ATRX: variants seen among roughly 807,000 people sequenced by gnomAD.
The protein encoded by ATRX is ATRX chromatin remodeler.
A neutral mutation model predicts 172.6 loss-of-function variants in ATRX; 12 were observed. The ratio of observed to expected loss-of-function variants is 0.07; its 90% confidence interval spans 0.04 to 0.11. ATRX has a LOEUF of 0.11. Among genes scored for constraint, ATRX ranks in the 10% least tolerant of loss-of-function variants. The pLI, the probability that ATRX is intolerant of heterozygous loss-of-function variation, is 1.00. For missense variants in ATRX, 1,368 were observed against 1,767.4 expected, an observed-to-expected ratio of 0.77 and a Z score of 4.05; for synonymous variants, 674 against 594.7, an observed-to-expected ratio of 1.13 and a Z score of -1.94.
intron 1 of ATRX, among the ~76,000 whole-genome samples, chrX:77,739,734 G>A (rs782715259): frequency 1.8e-5 from 2 of 109,964 alleles, no homozygotes; most frequent in East Asian, 2.8e-4. Context: ...GACAGTTTAC[G>A]TGAGGTTATT....
chrX:77,708,018 G>A (rs1557158073), intron 2 of ATRX, among the ~76,000 whole-genome samples: 1 of 111,920 alleles, frequency 8.9e-6, no homozygotes, highest in African/African-American at 3.2e-5. Flanking sequence ...AAAACAGTTT[G>A]ACATTTCCTC....
At chrX:77,522,061 G>A (rs781869930) in intron 32 of ATRX, 2 of 443,593 alleles carry the variant, frequency 4.5e-6, no homozygotes, top group Non-Finnish European at 7.7e-6. Flanking sequence ...TTCACCGACT[G>A]ATTCCTTTGT....
intron 9 of ATRX, among the ~76,000 whole-genome samples, chrX:77,680,457 G>C (rs1466734866): frequency 8.9e-6 from 1 of 111,853 alleles, no homozygotes; most frequent in African/African-American, 3.2e-5. Flanking sequence ...CAACACTTTG[G>C]AAGGCCGAGG....
intron 15 of ATRX, 59 bp downstream of exon 15, chrX:77,652,055 G>C: frequency 8.6e-7 from 1 of 1,167,456 alleles, no homozygotes; most frequent in South Asian, 1.8e-5. Context: ...GGCCAGCCTG[G>C]GCAACAGAGC....
chrX:77,597,562 T>C (rs913191042), intron 25 of ATRX, among the ~76,000 whole-genome samples: 2 of 109,198 alleles, frequency 1.8e-5, no homozygotes, highest in African/African-American at 6.6e-5. Context: ...TATCCAACAA[T>C]GAATATCCAG....
At chrX:77,754,269 C>G (rs1216538278) in intron 1 of ATRX, among the ~76,000 whole-genome samples, 5 of 110,822 alleles carry the variant, frequency 4.5e-5, no homozygotes, top group Admixed American at 3.8e-4. Flanking sequence ...TACAGCACAC[C>G]AATGGGTCTT....
chrX:77,636,809 G>C (rs2068377450), intron 15 of ATRX, among the ~76,000 whole-genome samples: 1 of 106,334 alleles, frequency 9.4e-6, no homozygotes. Flanking sequence ...GAAGGAAGAA[G>C]GAGGAGGAGG....
At chrX:77,616,303 C>A in intron 22 of ATRX, 1 of 898,344 alleles carries the variant, frequency 1.1e-6, no homozygotes, top group Non-Finnish European at 1.4e-6. Flanking sequence ...TAAAAAAATA[C>A]TCTGGAATTT....
At chrX:77,771,247 G>A (rs1393087975) in intron 1 of ATRX, among the ~76,000 whole-genome samples, 6 of 109,113 alleles carry the variant, frequency 5.5e-5, no homozygotes, top group Non-Finnish European at 1.1e-4. Context: ...GTGGTGGCAC[G>A]CACCTGTAAT....
At chrX:77,603,407 C>G (rs1163159326) in intron 22 of ATRX, among the ~76,000 whole-genome samples, 1 of 109,581 alleles carries the variant, frequency 9.1e-6, no homozygotes, top group Admixed American at 9.8e-5. Flanking sequence ...CTCTTGTTGC[C>G]TAGGCTGGAG....
rs187764371 is a variant in ATRX, at chrX:77,543,744, C to T, written c.6699+13707G>A. 1.2e-3 allele frequency among the ~76,000 whole-genome samples: 129 copies of T among 108,200 alleles called. 1 individual carries two copies. Among genetic ancestry groups the T allele is most frequent in the South Asian group, 2.9e-3 (7 of 2,451 alleles). The allele number at this position is 108,200 out of a possible 115,157, so 94.0% of individuals were successfully genotyped here. On this transcript the variant is annotated intron_variant, in intron 30 of 34. Coordinates refer to ENST00000373344, the MANE Select transcript of ATRX (RefSeq NM_000489.6). ...AACACCACATGTTCTCGCTCATAAG[C>T]GGGAGGTGAACAATGAGAACACATG...
chrX:77,552,043 A>C (rs1170116406), intron 30 of ATRX, among the ~76,000 whole-genome samples: 1 of 111,777 alleles, frequency 8.9e-6, no homozygotes, highest in African/African-American at 3.3e-5. Context: ...TAGTTCAACC[A>C]TTGTGGAAGA....
At position 77,682,355 on chromosome X, in the gene ATRX, T is replaced by C. The variant is rs782680197; in HGVS notation, c.2901A>G (p.Lys967=). Residue 967 remains lysine (K), a synonymous_variant, in exon 9 of 35, where the codon AAA becomes AAG. Transcript: ENST00000373344. ...CATCGCTCTGGTCTTTCTTTAGGAA[T>C]TTCTCTGCAATATCAGATAAGCCAT... ...VQDGLSDIAE[K]FLKKDQSDET... The C allele has an allele frequency of 6.6e-6, 8 of 1,209,041 alleles. No individual in the cohort carries two copies. The East Asian group carries it at 2.4e-4, about 36-fold the overall frequency.
At chrX:77,777,090 A>G (rs1430396393) in intron 1 of ATRX, among the ~76,000 whole-genome samples, 2 of 106,450 alleles carry the variant, frequency 1.9e-5, no homozygotes, top group African/African-American at 6.9e-5. Context: ...TACATGGCTC[A>G]CATCTATAAT....
At chrX:77,780,058 A>G (rs1557204810) in intron 1 of ATRX, among the ~76,000 whole-genome samples, 1 of 112,091 alleles carries the variant, frequency 8.9e-6, no homozygotes, top group Non-Finnish European at 1.9e-5. Context: ...ATCTTTCAAA[A>G]TAGAACATAT....
intron 1 of ATRX, among the ~76,000 whole-genome samples, chrX:77,717,554 A>G (rs2073502222): frequency 9.4e-6 from 1 of 106,578 alleles, no homozygotes; most frequent in East Asian, 2.9e-4. Flanking sequence ...CAGTGAGCCA[A>G]GATCATGCCA....
chrX:77,675,061 A>C (rs782154293), intron 10 of ATRX: 26 of 112,228 alleles, frequency 2.3e-4, no homozygotes, highest in Non-Finnish European at 4.7e-4. Context: ...AAACAGAGAA[A>C]CCTAACAGCA....
At chrX:77,559,888 CA>C (rs1184340759) in intron 28 of ATRX, among the ~76,000 whole-genome samples, 1 of 111,941 alleles carries the variant, frequency 8.9e-6, no homozygotes, top group Non-Finnish European at 1.9e-5. Context: ...AAAGGAAAAA[CA>C]ATCACAGTAT....
intron 1 of ATRX, among the ~76,000 whole-genome samples, chrX:77,747,685 T>A (rs1406888125): frequency 2.7e-5 from 3 of 111,727 alleles, no homozygotes; most frequent in African/African-American, 9.7e-5. Context: ...GAGCTCACAA[T>A]CTAATAGTAA....
Sources: gnomAD v4.1 joint callset for allele counts (sites outside exome capture counted in the v4.1 genomes callset) on GRCh38, gnomAD v4.1.1 for gene constraint, MANE v1.5 for transcripts, NCBI Gene and HGNC (gene_info 2026-07-23, HGNC 2026-07-21) for gene names.